Variants in ERAP1 observed in about 807,000 individuals in gnomAD.
ERAP1 encodes endoplasmic reticulum aminopeptidase 1, also known as adipocyte-derived leucine aminopeptidase.
A neutral mutation model predicts 103.7 loss-of-function variants in ERAP1; 86 were observed. The ratio of observed to expected loss-of-function variants is 0.83; its 90% CI spans 0.70 to 0.99. The LOEUF (loss-of-function observed/expected upper bound fraction) is 0.99, where lower values mean the gene tolerates loss of function less well. Ranked by LOEUF, ERAP1 falls within the 50% of genes least tolerant of loss-of-function variation. The pLI is 0.00. For missense variants in ERAP1, 1,009 were observed against 1,128.4 expected (o/e 0.89, Z 1.52); for synonymous variants, 398 against 402.4 (o/e 0.99, Z 0.13).
At chr5:96,886,695 A>C in the ERAP1 span, 1 of 1,552,622 alleles carries the variant, frequency 6.4e-7, no homozygotes, top group Admixed American at 1.7e-5. Flanking sequence ...TTGGAAGATC[A>C]CTTTGAAACT....
the ERAP1 span, chr5:96,918,934 A>G: frequency 6.6e-6 from 1 of 152,198 alleles, no homozygotes; most frequent in Non-Finnish European, 1.5e-5. Context: ...ATGCCCTGCT[A>G]AATGCTTCTC....
At chr5:96,806,504 G>A (rs1037546702) in intron 1 of ERAP1, among the ~76,000 whole-genome samples, 6 of 152,104 alleles carry the variant, frequency 3.9e-5, no homozygotes, top group Admixed American at 3.3e-4. Flanking sequence ...ATTCAAGGTG[G>A]GGTAACTGAA....
chr5:96,918,343 G>A, the ERAP1 span: 1 of 152,154 alleles, frequency 6.6e-6, no homozygotes, highest in East Asian at 1.9e-4. Flanking sequence ...TACGTCCAAG[G>A]AAAATTAGCC....
the ERAP1 span, among the ~76,000 whole-genome samples, chr5:96,863,939 T>C: frequency 6.6e-6 from 1 of 152,204 alleles, no homozygotes; most frequent in African/African-American, 2.4e-5. Context: ...AAGGCTCAAC[T>C]GATATTGTGT....
the ERAP1 span, among the ~76,000 whole-genome samples, chr5:96,823,527 G>A: frequency 6.6e-5 from 10 of 152,082 alleles, no homozygotes; most frequent in Non-Finnish European, 1.3e-4. Flanking sequence ...TCTTAAAATG[G>A]GCAAAAATCT....
chr5:96,773,714 G>A (rs933726673), downstream of ERAP1: 5 of 152,206 alleles, frequency 3.3e-5, no homozygotes, highest in African/African-American at 1.2e-4. Flanking sequence ...AATAGTTCCT[G>A]AACATTGCAC....
chr5:96,839,858 C>A, the ERAP1 span, among the ~76,000 whole-genome samples: 1 of 152,310 alleles, frequency 6.6e-6, no homozygotes, highest in South Asian at 2.1e-4. Flanking sequence ...ATATTACTTC[C>A]CCAAATCTCC....
the ERAP1 span, among the ~76,000 whole-genome samples, chr5:96,888,631 C>T: frequency 2.0e-5 from 3 of 152,300 alleles, no homozygotes; most frequent in South Asian, 6.2e-4. Flanking sequence ...TAGCTCTATA[C>T]TTGGAAGGCA....
chr5:96,895,636 A>C, the ERAP1 span, among the ~76,000 whole-genome samples: 1 of 152,312 alleles, frequency 6.6e-6, no homozygotes, highest in Admixed American at 6.5e-5. Context: ...AGGAAAGAAC[A>C]TCACTGTTTG....
chr5:96,793,997 G>T, intron 5 of ERAP1, 40 bp from the exon 6 acceptor site: 1 of 1,603,162 alleles, frequency 6.2e-7, no homozygotes, highest in Non-Finnish European at 8.5e-7. Flanking sequence ...CAGTCTCTAA[G>T]CTATACATTC....
chr5:96,807,199 A>G (rs1481845562), intron 1 of ERAP1, among the ~76,000 whole-genome samples: 1 of 152,208 alleles, frequency 6.6e-6, no homozygotes, highest in African/African-American at 2.4e-5. Context: ...ATTTGCGTCA[A>G]CAGAGGTGCT....
exon 20 of ERAP1, chr5:96,763,054 C>T (rs3822682): frequency 0.083 from 62,542 of 757,636 alleles, 3,133 homozygotes; most frequent in African/African-American, 0.14. Context: ...TGCCCTAAAC[C>T]AGATCCCCAT....
the ERAP1 span, among the ~76,000 whole-genome samples, chr5:96,872,823 A>T: frequency 4.6e-5 from 7 of 152,306 alleles, no homozygotes; most frequent in Non-Finnish European, 7.4e-5. Context: ...ATAATTTTTT[A>T]AAAAATGAAG....
intron 3 of ERAP1, among the ~76,000 whole-genome samples, chr5:96,798,441 C>G (rs1200033001): frequency 6.6e-6 from 1 of 151,884 alleles, no homozygotes; most frequent in Admixed American, 6.6e-5. Flanking sequence ...AGAGGTCTGC[C>G]CCTAAAGAAG....
chr5:96,831,094 G>T, the ERAP1 span, among the ~76,000 whole-genome samples: 3 of 152,162 alleles, frequency 2.0e-5, no homozygotes, highest in African/African-American at 4.8e-5. Flanking sequence ...GGTTCTTCAG[G>T]CTGTACAGGA....
At chr5:96,839,363 A>G in the ERAP1 span, among the ~76,000 whole-genome samples, 2 of 152,210 alleles carry the variant, frequency 1.3e-5, no homozygotes, top group Non-Finnish European at 2.9e-5. Flanking sequence ...CAGAATTCTA[A>G]TCACATGGTT....
In ERAP1 at chr5:96,780,416, T is replaced by TA. The variant is rs775243418; in HGVS notation, c.2670+6_2670+7insT. 6 of 1,587,128 alleles carry TA rather than the reference T, an allele frequency of 3.8e-6. No individual in the cohort carries two copies. In the Admixed American group the frequency reaches 1.1e-4, roughly 28 times the overall value. The stretch of plus-strand genomic sequence containing the variant: ...TAAAAATATATATATAGATTTTTTT[T>TA]TTTTACCTCTTCAAGCCGTGTTCTT... On this transcript the variant is annotated splice_region_variant and intron_variant, in intron 18 of 18. Transcript: ENST00000443439.
At chr5:96,878,328 C>T in the ERAP1 span, among the ~76,000 whole-genome samples, 7 of 152,188 alleles carry the variant, frequency 4.6e-5, no homozygotes, top group South Asian at 6.2e-4. Context: ...TGACCAGCAA[C>T]CTTTACACCA....
At chr5:96,815,373 T>G in the ERAP1 span, among the ~76,000 whole-genome samples, 28 of 152,114 alleles carry the variant, frequency 1.8e-4, no homozygotes, top group Non-Finnish European at 3.8e-4. Context: ...ACCCAAACTA[T>G]TAAGGTGTTG....
Sources: gnomAD v4.1 joint callset for allele counts (sites outside exome capture counted in the v4.1 genomes callset) on GRCh38, gnomAD v4.1.1 for gene constraint, MANE v1.5 for transcripts, NCBI Gene and HGNC (gene_info 2026-07-23, HGNC 2026-07-21) for gene names.